The following VGLL1 variants were observed in gnomAD, a reference collection of about 807,000 sequenced individuals.
VGLL1 encodes vestigial like family member 1, also known as transcription cofactor vestigial-like protein 1.
A neutral mutation model predicts 12.0 loss-of-function variants in VGLL1; 4 were observed. The observed-to-expected ratio is 0.33, with a 90% CI of 0.16 to 0.76. The LOEUF is 0.76. VGLL1 is among the 30% of genes least tolerant of loss of function. VGLL1 has a pLI of 0.60. For missense variants in VGLL1, 204 were observed against 208.7 expected (o/e 0.98, Z 0.14); for synonymous variants, 87 against 81.2 (o/e 1.07, Z -0.39).
At position 136,556,652 on chromosome X, in the gene VGLL1, G is replaced by T. The variant is rs1042346931; in HGVS notation, c.*113G>T. On this transcript the variant is annotated 3_prime_UTR_variant, in exon 5 of 5. Coordinates refer to ENST00000370634, the MANE Select transcript of VGLL1 (RefSeq NM_016267.4). ...TCACACCCACTTGCCTCCCCAATCT[G>T]TTAAACAGCTTCGTGTCTAGTATGA... is the stretch of plus-strand genomic sequence containing the variant. 1.5e-5 allele frequency: 10 copies of T among 653,260 alleles called. No homozygotes were observed. The African/African-American group carries it at 2.2e-4, about 14-fold the overall frequency. 53.8% of individuals were successfully genotyped at this position (653,260 alleles called of 1,213,427 possible).
At chrX:136,536,554 C>T (rs950380526) in intron 2 of VGLL1, among the ~76,000 whole-genome samples, 3 of 111,305 alleles carry the variant, frequency 2.7e-5, no homozygotes, top group African/African-American at 9.8e-5. Context: ...TCCTAATTAA[C>T]CCACATTCAT....
intron 4 of VGLL1, among the ~76,000 whole-genome samples, chrX:136,552,751 GC>G (rs1335242731): frequency 8.9e-6 from 1 of 112,111 alleles, no homozygotes; most frequent in Non-Finnish European, 1.9e-5. Flanking sequence ...GCAGCAAGTG[GC>G]AGATGCAGTA....
chrX:136,553,397 G>A (rs1166730559), intron 4 of VGLL1, among the ~76,000 whole-genome samples: 1 of 95,611 alleles, frequency 1.0e-5, no homozygotes, highest in Non-Finnish European at 2.0e-5. Flanking sequence ...TGCAACCTCC[G>A]CCTCCTGGGT....
intron 4 of VGLL1, among the ~76,000 whole-genome samples, chrX:136,553,207 G>A (rs2075891378): frequency 2.7e-5 from 3 of 109,771 alleles, no homozygotes; most frequent in Admixed American, 1.9e-4. Flanking sequence ...CTGATGGTAC[G>A]AACCACCTGG....
chrX:136,532,652 TCTTTCTTTC>T (rs1415578883), intron 1 of VGLL1, among the ~76,000 whole-genome samples: 33 of 83,236 alleles, frequency 4.0e-4, no homozygotes, highest in African/African-American at 1.4e-3. Context: ...TTTCTTTCTT[TCTTTCTTTC>T]TTTTTCTTTC....
At chrX:136,543,807 A>G (rs1922729440) in intron 2 of VGLL1, among the ~76,000 whole-genome samples, 1 of 110,628 alleles carries the variant, frequency 9.0e-6, no homozygotes, top group Admixed American at 9.6e-5. Flanking sequence ...ATGCAGAAAG[A>G]GGGAGAAGAG....
intron 4 of VGLL1, 108 bp downstream of exon 4, chrX:136,550,929 A>C (rs1027091711): frequency 1.5e-6 from 1 of 679,543 alleles, no homozygotes; most frequent in African/African-American, 2.2e-5. Context: ...TAAAACCCAG[A>C]GTCTCCAGTA....
At chrX:136,532,642 TTTCTTTCTTTCTTTCTTTC>T (rs2075827752) in intron 1 of VGLL1, among the ~76,000 whole-genome samples, 4 of 96,095 alleles carry the variant, frequency 4.2e-5, no homozygotes, top group Admixed American at 3.6e-4. Context: ...TCTTTCTTTC[TTTCTTTCTTTCTTTCTTTC>T]TTTTTCTTTC....
Position 136,540,789 on chromosome X carries a change from T to C in VGLL1, c.214+4555T>C, listed in dbSNP as rs747409245. ...GATTTTGATCACAAGGTGTTGACCC[T>C]ACAGATGGGGGTCACCGTAGAGAGG... On this transcript the variant is annotated intron_variant, in intron 2 of 4. Transcript: ENST00000370634. Among the ~76,000 whole-genome samples the C allele has an allele frequency of 8.1e-5, 9 of 111,328 alleles. No individual in the cohort carries two copies. In the South Asian group the frequency reaches 3.4e-3, roughly 42 times the overall value.
At chrX:136,546,786 C>T (rs1208081424) in intron 2 of VGLL1, among the ~76,000 whole-genome samples, 1 of 112,549 alleles carries the variant, frequency 8.9e-6, no homozygotes, top group Non-Finnish European at 1.9e-5. Context: ...TGTGATTACA[C>T]CAAATTAGCT....
chrX:136,547,192 C>T (rs2075871919), intron 2 of VGLL1, among the ~76,000 whole-genome samples: 1 of 112,703 alleles, frequency 8.9e-6, no homozygotes, highest in African/African-American at 3.2e-5. Flanking sequence ...CACACCCACC[C>T]TCTCTCCATT....
chrX:136,548,157 C>T (rs1328711830), intron 2 of VGLL1, among the ~76,000 whole-genome samples: 3 of 111,570 alleles, frequency 2.7e-5, no homozygotes, highest in Non-Finnish European at 5.6e-5. Context: ...TGCACCAACA[C>T]ACCCAGCTAA....
chrX:136,555,454 C>CT (rs1000776605), intron 4 of VGLL1, among the ~76,000 whole-genome samples: 1 of 110,927 alleles, frequency 9.0e-6, no homozygotes. Flanking sequence ...TTGAGAAGGT[C>CT]TTTTTTTAAG....
chrX:136,535,474 G>T (rs571482255), intron 1 of VGLL1, among the ~76,000 whole-genome samples: 1 of 111,629 alleles, frequency 9.0e-6, no homozygotes, highest in African/African-American at 3.3e-5. Flanking sequence ...AGATTAAGGC[G>T]TCAGGGGAGT....
chrX:136,536,105 C>A lies in VGLL1; in HGVS notation c.85C>A (p.Leu29Ile). 1 of 1,211,676 alleles carries A rather than the reference C, an allele frequency of 8.3e-7. No homozygotes were observed. Among genetic ancestry groups the A allele is most frequent in the Non-Finnish European group, 1.1e-6 (1 of 895,470 alleles). Residue 29 changes from leucine (L) to isoleucine (I), a missense_variant, in exon 2 of 5, where the codon CTT (leucine) becomes ATT (isoleucine). Transcript: ENST00000370634. ...IKTEWNSRCV[L>I]FTYFQGDISS... ...GACGGAATGGAATTCCCGGTGTGTC[C>A]TTTTCACCTACTTCCAAGGGGACAT...
chrX:136,549,074 C>A, intron 3 of VGLL1, 66 bp downstream of exon 3: 1 of 1,097,872 alleles, frequency 9.1e-7, no homozygotes, highest in Non-Finnish European at 1.2e-6. Flanking sequence ...AGTGAGTTGG[C>A]ATGAGATGAG....
chrX:136,549,038 G>T lies in VGLL1; in HGVS notation c.634+30G>T, dbSNP rs184031891. On this transcript the variant is annotated intron_variant, in intron 3 of 4. Transcript: ENST00000370634. The stretch of plus-strand genomic sequence containing the variant: ...GGAAATGCCTACAGATACTTGGAGG[G>T]GTGCCTCTGATTGGTTGTGGTTGAG... 253 of 1,174,099 alleles carry T rather than the reference G, an allele frequency of 2.2e-4. No individual in the cohort carries two copies. Among genetic ancestry groups the T allele is most frequent in the Non-Finnish European group, 2.8e-4 (244 of 875,622 alleles).
chrX:136,549,697 C>T (rs1197975821), intron 3 of VGLL1, among the ~76,000 whole-genome samples: 2 of 110,997 alleles, frequency 1.8e-5, no homozygotes, highest in Admixed American at 9.6e-5. Context: ...ATTTAATTTG[C>T]GCCTACCAGA....
chrX:136,549,139 T>C (rs1190893270), intron 3 of VGLL1, 131 bp downstream of exon 3: 1 of 659,768 alleles, frequency 1.5e-6, no homozygotes, highest in East Asian at 3.5e-5. Context: ...GGAAGGGATG[T>C]TCTGCTTAAA....
Sources: gnomAD v4.1 joint callset for allele counts (sites outside exome capture counted in the v4.1 genomes callset) on GRCh38, gnomAD v4.1.1 for gene constraint, MANE v1.5 for transcripts, NCBI Gene and HGNC (gene_info 2026-07-23, HGNC 2026-07-21) for gene names.